Variants in ERBB4 observed in about 807,000 individuals in gnomAD.
The protein encoded by ERBB4 is receptor tyrosine-protein kinase erbB-4.
ERBB4 carries 42 observed loss-of-function variants against 158.0 expected under a neutral mutation model. The ratio of observed to expected loss-of-function variants is 0.27; its 90% confidence interval spans 0.21 to 0.34. The LOEUF (loss-of-function observed/expected upper bound fraction) is 0.34, where lower values mean the gene tolerates loss of function less well. ERBB4 is among the 10% of genes least tolerant of loss of function. The pLI, the probability that ERBB4 is intolerant of heterozygous loss-of-function variation, is 1.00. For missense variants in ERBB4, 1,333 were observed against 1,624.1 expected (o/e 0.82, Z 3.08); for synonymous variants, 583 against 558.7 (o/e 1.04, Z -0.61).
rs1315972884 is a variant in ERBB4, at chr2:211,856,628, C to T, written c.422-68469G>A. 3.9e-5 allele frequency among the ~76,000 whole-genome samples: 6 copies of T among 152,100 alleles called. No homozygotes were observed. The East Asian group carries it at 1.2e-3, about 30-fold the overall frequency. On this transcript the variant is annotated intron_variant, in intron 3 of 27. Transcript: ENST00000342788. ...GGTCTCGATCTCCTGGCCTCGTGAT[C>T]CGCCCGCCTCGGCCTTCCAAAGTGC...
chr2:212,403,688 T>C (rs370643699), intron 1 of ERBB4, among the ~76,000 whole-genome samples: 18 of 152,154 alleles, frequency 1.2e-4, no homozygotes, highest in Middle Eastern at 3.4e-3. Context: ...ATGAAATTCA[T>C]AGAAGCACAG....
chr2:211,667,581 C>A (rs1251979955), intron 14 of ERBB4, among the ~76,000 whole-genome samples: 2 of 152,076 alleles, frequency 1.3e-5, no homozygotes, highest in African/African-American at 4.8e-5. Context: ...TACTTAGGCA[C>A]GTAATATTGT....
intron 1 of ERBB4, among the ~76,000 whole-genome samples, chr2:212,490,985 AT>A (rs1166765846): frequency 1.3e-5 from 2 of 151,578 alleles, no homozygotes; most frequent in East Asian, 1.9e-4. Flanking sequence ...GTCTAAACTG[AT>A]TTTTTTCAGT....
chr2:211,805,774 T>C (rs2076599035), intron 3 of ERBB4, among the ~76,000 whole-genome samples: 1 of 152,130 alleles, frequency 6.6e-6, no homozygotes. Flanking sequence ...CTAGTTCATA[T>C]TCACAGATAA....
intron 19 of ERBB4, among the ~76,000 whole-genome samples, chr2:211,598,162 T>A (rs576114413): frequency 6.6e-6 from 1 of 152,120 alleles, no homozygotes; most frequent in East Asian, 1.9e-4. Flanking sequence ...TCTCTCCACG[T>A]CCTCCTCCTG....
At chr2:212,374,742 C>T (rs188665008) in intron 1 of ERBB4, among the ~76,000 whole-genome samples, 1 of 151,890 alleles carries the variant, frequency 6.6e-6, no homozygotes, top group Non-Finnish European at 1.5e-5. Flanking sequence ...AGTTTGTCCT[C>T]GGCTTTGGAA....
intron 1 of ERBB4, among the ~76,000 whole-genome samples, chr2:212,209,755 T>C (rs1305926687): frequency 6.6e-6 from 1 of 152,106 alleles, no homozygotes; most frequent in Non-Finnish European, 1.5e-5. Context: ...ATATGATTTT[T>C]AAGAATAATA....
chr2:212,132,835 A>G (rs2080148220), intron 1 of ERBB4, among the ~76,000 whole-genome samples: 1 of 152,114 alleles, frequency 6.6e-6, no homozygotes, highest in Non-Finnish European at 1.5e-5. Flanking sequence ...TTGTATATAT[A>G]TGCTATCTGT....
At chr2:212,252,807 G>T (rs910765047) in intron 1 of ERBB4, among the ~76,000 whole-genome samples, 21 of 152,032 alleles carry the variant, frequency 1.4e-4, no homozygotes, top group South Asian at 2.1e-4. Context: ...TACACATGTA[G>T]GTGTGATGGC....
At chr2:212,359,425 A>G (rs984874607) in intron 1 of ERBB4, among the ~76,000 whole-genome samples, 4 of 151,310 alleles carry the variant, frequency 2.6e-5, no homozygotes, top group Non-Finnish European at 5.9e-5. Flanking sequence ...AAGAAAATCA[A>G]CCAATAAAAT....
chr2:212,138,558 T>C lies in ERBB4; in HGVS notation c.83-13655A>G, dbSNP rs113906799. On this transcript the variant is annotated intron_variant, in intron 1 of 27. Transcript: ENST00000342788. ...CCTCACCAGATGCAGCTCCCCATTC[T>C]TGAACTTTCTAGCCTCCAGAATTAT... is the stretch of plus-strand genomic sequence containing the variant. Among the ~76,000 whole-genome samples the C allele has an allele frequency of 6.6e-3, 1,009 of 152,272 alleles. 7 individuals are homozygous for C. The highest frequency in any genetic ancestry group is 0.024 in the Middle Eastern group (7 of 294).
chr2:211,678,591 G>A (rs923534496), intron 13 of ERBB4, among the ~76,000 whole-genome samples: 6 of 152,114 alleles, frequency 3.9e-5, no homozygotes, highest in South Asian at 4.1e-4. Context: ...AAAAGAATTC[G>A]TCTATGTGTT....
At chr2:211,409,136 T>C (rs2063204350) in intron 25 of ERBB4, among the ~76,000 whole-genome samples, 1 of 152,126 alleles carries the variant, frequency 6.6e-6, no homozygotes, top group South Asian at 2.1e-4. Flanking sequence ...TTTATTTAAT[T>C]GCTATTTATT....
chr2:212,026,946 T>C (rs1256298464), intron 2 of ERBB4, among the ~76,000 whole-genome samples: 1 of 151,940 alleles, frequency 6.6e-6, no homozygotes, highest in Non-Finnish European at 1.5e-5. Context: ...AATAACATAC[T>C]ATTTAATAAT....
intron 1 of ERBB4, among the ~76,000 whole-genome samples, chr2:212,226,856 T>TGA (rs35651609): frequency 0.51 from 77,158 of 151,696 alleles, 20,173 homozygotes; most frequent in East Asian, 0.76. Flanking sequence ...TTCACAGCAA[T>TGA]CAGGAATATC....
intron 20 of ERBB4, among the ~76,000 whole-genome samples, chr2:211,560,237 C>G (rs1304674288): frequency 1.4e-5 from 2 of 140,280 alleles, no homozygotes; most frequent in Non-Finnish European, 3.0e-5. Flanking sequence ...AAAATACAGA[C>G]AGCACTAACA....
intron 25 of ERBB4, among the ~76,000 whole-genome samples, chr2:211,395,781 T>G (rs1001022185): frequency 6.6e-6 from 1 of 152,078 alleles, no homozygotes; most frequent in Admixed American, 6.5e-5. Flanking sequence ...AGAGAAGAGA[T>G]ATGTTATCTA....
intron 3 of ERBB4, among the ~76,000 whole-genome samples, chr2:211,899,066 G>C (rs895871996): frequency 1.3e-5 from 2 of 152,032 alleles, no homozygotes; most frequent in Non-Finnish European, 2.9e-5. Flanking sequence ...ATTAACACAT[G>C]AGTCAATTTG....
At chr2:211,915,207 C>A (rs2125064807) in intron 3 of ERBB4, among the ~76,000 whole-genome samples, 1 of 152,144 alleles carries the variant, frequency 6.6e-6, no homozygotes, top group African/African-American at 2.4e-5. Flanking sequence ...ACCACCAAGC[C>A]CTAAGTTCAT....
Sources: allele counts gnomAD v4.1 joint callset (sites outside exome capture counted in the v4.1 genomes callset), GRCh38; gene constraint gnomAD v4.1.1; transcripts MANE v1.5; gene names NCBI Gene and HGNC (gene_info 2026-07-23, HGNC 2026-07-21).